The following FBN1 variants were observed in gnomAD, a reference collection of about 807,000 sequenced individuals.
FBN1 encodes fibrillin 1, also known as fibrillin-1.
Under a neutral mutation model 365.1 loss-of-function variants are expected in FBN1, and 29 were observed. The observed-to-expected ratio is 0.08, with a 90% confidence interval of 0.06 to 0.11. The LOEUF is 0.11. FBN1 is among the 10% of genes least tolerant of loss of function. FBN1 has a pLI of 1.00. For missense variants in FBN1, 2,476 were observed against 3,703.2 expected (o/e 0.67, Z 8.60); for synonymous variants, 1,210 against 1,270.5 (o/e 0.95, Z 1.01).
intron 15 of FBN1, among the ~76,000 whole-genome samples, chr15:48,505,862 C>T (rs1046132004): frequency 6.6e-6 from 1 of 152,056 alleles, no homozygotes. Flanking sequence ...GGTTTTTTCC[C>T]CCCTTAATAT....
chr15:48,467,858 T>C (rs1320775266), intron 38 of FBN1, 80 bp downstream of exon 38: 4 of 1,244,050 alleles, frequency 3.2e-6, no homozygotes, highest in Admixed American at 1.7e-5. Flanking sequence ...GATCTAAGAG[T>C]AGAAAAGGTT....
chr15:48,435,666 ATGTG>A (rs3074870), intron 53 of FBN1, among the ~76,000 whole-genome samples: 6 of 145,536 alleles, frequency 4.1e-5, no homozygotes, highest in African/African-American at 7.6e-5. Context: ...GAGACCTAAA[ATGTG>A]TGTGTGTGTG....
intron 18 of FBN1, 44 bp downstream of exon 18, chr15:48,498,941 C>T: frequency 6.3e-7 from 1 of 1,582,384 alleles, no homozygotes; most frequent in East Asian, 2.2e-5. Flanking sequence ...CTGATGCTGC[C>T]TCTGCACATA....
At chr15:48,495,389 A>C (rs1489906159) in intron 21 of FBN1, 80 bp downstream of exon 21, 1 of 1,595,600 alleles carries the variant, frequency 6.3e-7, no homozygotes, top group African/African-American at 1.3e-5. Context: ...TCCATACTTA[A>C]ATTCTTTTGC....
rs1458842000 is a variant in FBN1 at position 48,470,764 on chromosome 15, G to T, written c.4337-8C>A. ...GGGAGCACTCATCAATATCTTGGGG[G>T]GAGGGAGAAAAAAGCAAAAAACTTA... On this transcript the variant is annotated splice_region_variant and splice_polypyrimidine_tract_variant and intron_variant, in intron 35 of 65. Coordinates refer to ENST00000316623, the MANE Select transcript of FBN1 (RefSeq NM_000138.5). 7 of 1,613,860 alleles carry T rather than the reference G, an allele frequency of 4.3e-6. No individual in the cohort carries two copies. Among genetic ancestry groups the T allele is most frequent in the Non-Finnish European group, 5.1e-6 (6 of 1,179,932 alleles).
Position 48,453,312 on chromosome 15 carries a change from A to AC in FBN1, c.5423-629_5423-628insG, listed in dbSNP as rs1259573376. Among the ~76,000 whole-genome samples the AC allele has an allele frequency of 0.015, 2,106 of 139,522 alleles. 159 individuals are homozygous for AC. The East Asian group carries it at 0.25, about 17-fold the overall frequency. 91.5% of individuals were successfully genotyped at this position (139,522 alleles called of 152,430 possible). On this transcript the variant is annotated intron_variant, in intron 44 of 65. Coordinates refer to ENST00000316623, the MANE Select transcript of FBN1 (RefSeq NM_000138.5). ...AAACAAACAAAAAAAAAACACACAC[A>AC]AAAAAAAAGGAAAAAAAAAGGAAAA...
Position 48,487,199 on chromosome 15 carries a change from G to A in FBN1, c.3465C>T (p.Asp1155=), listed in dbSNP as rs886038249. 13 of 1,614,146 alleles carry A rather than the reference G, an allele frequency of 8.1e-6. No individual in the cohort carries two copies. The highest frequency in any genetic ancestry group is 1.0e-5 in the Non-Finnish European group (12 of 1,179,996). ...GTGCACTCAGCTCACATTCATTGAT[G>A]TCTGTCGGGAAAATAAGAAGAACAA... ...QLSPNISACI[D]INECELSAHL... Residue 1155 remains aspartate, a splice_region_variant and synonymous_variant, in exon 29 of 66, where the codon GAC becomes GAT. Transcript: ENST00000316623.
chr15:48,449,241 G>C (rs1486903045), intron 45 of FBN1, among the ~76,000 whole-genome samples: 1 of 152,180 alleles, frequency 6.6e-6, no homozygotes, highest in Non-Finnish European at 1.5e-5. Context: ...GAAGTATTTT[G>C]TCTAGTTAAG....
At chr15:48,488,549 G>A in intron 25 of FBN1, 56 bp from the exon 26 acceptor site, 1 of 1,589,672 alleles carries the variant, frequency 6.3e-7, no homozygotes, top group Non-Finnish European at 8.6e-7. Context: ...CAGTCAGGAG[G>A]TCTCAATGCC....
Position 48,411,024 on chromosome 15 carries a change from T to A in FBN1, c.8582A>T (p.Asn2861Ile), listed in dbSNP as rs747213800. 13 of 1,613,828 alleles carry A rather than the reference T, an allele frequency of 8.1e-6. No homozygotes were observed. Among genetic ancestry groups the A allele is most frequent in the Middle Eastern group, 1.7e-4 (1 of 5,978 alleles). ...KDYLSGELGD[N>I]LKMKIQVLLH ...CAAAACCTGGATTTTCATCTTCAGATTATCACCCAGTTCACCACTGAGGTA... is the reference window on the plus strand; with the variant it reads ...CAAAACCTGGATTTTCATCTTCAGAATATCACCCAGTTCACCACTGAGGTA... Residue 2861 changes from asparagine (N) to isoleucine (I), a missense_variant, in exon 66 of 66, where the codon AAT becomes ATT. By Grantham distance (149) the Asn-to-Ile change is moderately radical. This residue lies in a region of FBN1 where 177 missense variants were observed against 192.7 expected (regional missense o/e 0.92). Transcript: ENST00000316623.
At chr15:48,415,367 C>G (rs185900277) in intron 64 of FBN1, among the ~76,000 whole-genome samples, 169 bp downstream of exon 64, 2 of 152,218 alleles carry the variant, frequency 1.3e-5, no homozygotes, top group Non-Finnish European at 2.9e-5. Context: ...CCAGATGCTT[C>G]CTTCCAAATA....
At chr15:48,580,063 C>CA (rs2044379566) in intron 6 of FBN1, among the ~76,000 whole-genome samples, 1 of 152,056 alleles carries the variant, frequency 6.6e-6, no homozygotes, top group Admixed American at 6.6e-5. Flanking sequence ...TTGAAATTTC[C>CA]ACCCTTCTTG....
Position 48,428,385 on chromosome 15 carries a change from C to G in FBN1, c.6958G>C (p.Asp2320His). 1 of 1,614,128 alleles carries G rather than the reference C, an allele frequency of 6.2e-7. No individual in the cohort carries two copies. Among genetic ancestry groups the G allele is most frequent in the Middle Eastern group, 1.6e-4 (1 of 6,062 alleles). ...TRGSYTCECN[D>H]GFTASPNQDE... ...TGGTTGGGGCTGGCGGTAAACCCAT[C>G]ATTACACTCACAGGTGTAGCTCCCA... is the stretch of plus-strand genomic sequence containing the variant. The change falls in exon 57 of 66, where the codon GAT becomes CAT. Residue 2320 changes from aspartate to histidine, a missense_variant. Transcript: ENST00000316623.
At chr15:48,625,496 C>T (rs1889858291) in intron 2 of FBN1, among the ~76,000 whole-genome samples, 1 of 152,150 alleles carries the variant, frequency 6.6e-6, no homozygotes, top group Non-Finnish European at 1.5e-5. Context: ...CGTCCCAGCC[C>T]AGGCTTGACA....
At chr15:48,467,654 G>A (rs1317220400) in intron 38 of FBN1, among the ~76,000 whole-genome samples, 1 of 152,206 alleles carries the variant, frequency 6.6e-6, no homozygotes, top group Non-Finnish European at 1.5e-5. Context: ...TCCCTGGAAC[G>A]TAAGCAACAT....
At chr15:48,618,524 C>G (rs1029029464) in intron 2 of FBN1, among the ~76,000 whole-genome samples, 1 of 152,126 alleles carries the variant, frequency 6.6e-6, no homozygotes, top group African/African-American at 2.4e-5. Context: ...TGTTACAGTC[C>G]ATCTGCCAGT....
chr15:48,432,814 C>G (rs2141234865), intron 55 of FBN1, 52 bp downstream of exon 55: 13 of 1,609,212 alleles, frequency 8.1e-6, no homozygotes, highest in Admixed American at 1.7e-5. Context: ...GGGACATCTC[C>G]CCTCACAGAT....
Position 48,507,487 on chromosome 15 carries a change from G to A in FBN1, c.1837+1095C>T, listed in dbSNP as rs957628311. ...AACACCCAACTGTTTTCTCTTGCTG[G>A]GAAGACAGGTTTGCACAATATTAAG... On this transcript the variant is annotated intron_variant, in intron 15 of 65. Coordinates refer to ENST00000316623, the MANE Select transcript of FBN1 (RefSeq NM_000138.5). Among the ~76,000 whole-genome samples, 4 of 152,060 alleles carry A rather than the reference G, an allele frequency of 2.6e-5. No individual in the cohort carries two copies. In the South Asian group the frequency reaches 8.3e-4, roughly 32 times the overall value.
chr15:48,587,067 T>C (rs2044441952), intron 6 of FBN1, among the ~76,000 whole-genome samples: 1 of 152,228 alleles, frequency 6.6e-6, no homozygotes, highest in Non-Finnish European at 1.5e-5. Flanking sequence ...AATGATATTA[T>C]ATCCATGGCA....
Sources: gnomAD v4.1 joint callset for allele counts (sites outside exome capture counted in the v4.1 genomes callset) on GRCh38, gnomAD v4.1.1 for gene constraint, gnomAD v4.1.1 regional missense constraint, MANE v1.5 for transcripts, NCBI Gene and HGNC (gene_info 2026-07-23, HGNC 2026-07-21) for gene names.